Variants in VPS13B observed in about 807,000 individuals in gnomAD.
The protein encoded by VPS13B is intermembrane lipid transfer protein VPS13B.
A neutral mutation model predicts 426.4 loss-of-function variants in VPS13B; 285 were observed. That is an observed-to-expected ratio of 0.67 (90% CI 0.61 to 0.74). VPS13B has a LOEUF of 0.74. VPS13B is among the 30% of genes least tolerant of loss of function. The pLI, the probability that VPS13B is intolerant of heterozygous loss-of-function variation, is 0.00. For synonymous variants in VPS13B, 1,676 were observed against 1,676.4 expected (o/e 1.00, Z 0.01); for missense variants, 4,537 against 4,782.6 (o/e 0.95, Z 1.51).
chr8:99,854,210 G>A lies in VPS13B; in HGVS notation c.10821G>A (p.Val3607=), dbSNP rs1554581864. 2 of 1,614,060 alleles carry A rather than the reference G, an allele frequency of 1.2e-6. No individual in the cohort carries two copies. The highest frequency in any genetic ancestry group is 2.2e-5 in the South Asian group (2 of 91,072). ...GPIFTTARQL[V]HALAMHYAAG... is the part of the protein sequence containing the mutation. Reference sequence around the variant, plus strand: ...TCTTCACCACTGCGAGGCAGCTTGTGCACGCCCTGGCAATGCACTATGCCG... The same window carrying A: ...TCTTCACCACTGCGAGGCAGCTTGTACACGCCCTGGCAATGCACTATGCCG... The change falls in exon 56 of 62, where the codon GTG becomes GTA. Residue 3607 remains valine (V), a synonymous_variant. Coordinates refer to ENST00000357162, the MANE Select transcript of VPS13B (RefSeq NM_152564.5).
At chr8:99,715,689 A>G (rs1017824056) in intron 36 of VPS13B, among the ~76,000 whole-genome samples, 10 of 152,224 alleles carry the variant, frequency 6.6e-5, no homozygotes, top group Non-Finnish European at 1.5e-4. Context: ...GTACAAAGAT[A>G]TGTGTATTTG....
intron 19 of VPS13B, among the ~76,000 whole-genome samples, chr8:99,372,729 G>A (rs1429765522): frequency 6.6e-6 from 1 of 152,220 alleles, no homozygotes; most frequent in Non-Finnish European, 1.5e-5. Context: ...GTGTAAATTA[G>A]TTCAACCATC....
intron 8 of VPS13B, among the ~76,000 whole-genome samples, chr8:99,131,800 A>T (rs1171763882): frequency 1.3e-5 from 2 of 152,142 alleles, no homozygotes; most frequent in African/African-American, 2.4e-5. Flanking sequence ...AATTTCTCAA[A>T]ATAAGACAGC....
At chr8:99,301,370 C>T (rs939680000) in intron 19 of VPS13B, among the ~76,000 whole-genome samples, 15 of 150,996 alleles carry the variant, frequency 9.9e-5, no homozygotes, top group South Asian at 2.1e-4. Flanking sequence ...CTCGGCTCAC[C>T]GCAACCTCCA....
chr8:99,738,301 T>G (rs1266810606), intron 39 of VPS13B, among the ~76,000 whole-genome samples: 5 of 152,234 alleles, frequency 3.3e-5, no homozygotes, highest in Non-Finnish European at 5.9e-5. Context: ...TGTTTTTAAT[T>G]CTCCATGAGG....
chr8:99,115,834 C>A lies in VPS13B; in HGVS notation c.897C>A (p.Asp299Glu). 1.2e-6 allele frequency: 2 copies of A among 1,613,440 alleles called. No individual in the cohort carries two copies. Among genetic ancestry groups the A allele is most frequent in the Non-Finnish European group, 8.5e-7 (1 of 1,179,748 alleles). Residue 299 changes from aspartate (D) to glutamate (E), a missense_variant, in exon 7 of 62, where the codon GAC becomes GAA. Around this residue, in one of 2 missense-constraint regions of VPS13B, gnomAD observed 4,311 missense variants for 4,474.3 expected, o/e 0.96. Transcript: ENST00000357162. ...ATTTTAAAGAAGGCGAAATAGAGGA[C>A]CTTACTTGTCATAATAAAGATATGC... ...IGNFKEGEIE[D>E]LTCHNKDMLG...
intron 19 of VPS13B, among the ~76,000 whole-genome samples, chr8:99,300,739 A>G (rs1203517535): frequency 6.6e-6 from 1 of 152,164 alleles, no homozygotes; most frequent in Non-Finnish European, 1.5e-5. Flanking sequence ...GCTGGGTTTT[A>G]GCCTCAGCTA....
At chr8:99,641,419 C>T (rs1426543107) in intron 33 of VPS13B, among the ~76,000 whole-genome samples, 6 of 152,072 alleles carry the variant, frequency 3.9e-5, no homozygotes, top group African/African-American at 1.2e-4. Context: ...TAATTTCAAC[C>T]ACCAGTAATC....
chr8:99,381,372 G>C (rs1034252606), intron 19 of VPS13B, among the ~76,000 whole-genome samples: 2 of 152,126 alleles, frequency 1.3e-5, no homozygotes, highest in African/African-American at 4.8e-5. Context: ...ACATACGTTT[G>C]CATGTGTCTT....
intron 27 of VPS13B, among the ~76,000 whole-genome samples, chr8:99,504,439 GAC>G (rs1396858507): frequency 2.0e-5 from 3 of 152,212 alleles, no homozygotes; most frequent in Non-Finnish European, 4.4e-5. Flanking sequence ...AGTCTTGAAA[GAC>G]AGAATTACTG....
intron 3 of VPS13B, among the ~76,000 whole-genome samples, chr8:99,055,779 C>T (rs992815718): frequency 6.6e-6 from 1 of 151,996 alleles, no homozygotes; most frequent in African/African-American, 2.4e-5. Flanking sequence ...ACCCAAGCTG[C>T]AGTGCAGTGA....
At chr8:99,035,842 A>G (rs1842717810) in intron 2 of VPS13B, among the ~76,000 whole-genome samples, 1 of 152,058 alleles carries the variant, frequency 6.6e-6, no homozygotes, top group Non-Finnish European at 1.5e-5. Context: ...GATAATGGCC[A>G]TTGTTATGGC....
intron 34 of VPS13B, among the ~76,000 whole-genome samples, chr8:99,645,589 G>A (rs1829549323): frequency 6.6e-6 from 1 of 152,124 alleles, no homozygotes; most frequent in South Asian, 2.1e-4. Flanking sequence ...TCTGTAATTT[G>A]GAATTCTGTA....
intron 21 of VPS13B, among the ~76,000 whole-genome samples, chr8:99,416,554 C>T (rs1453030303): frequency 6.6e-6 from 1 of 152,154 alleles, no homozygotes; most frequent in Non-Finnish European, 1.5e-5. Context: ...GGCATAGGCC[C>T]CTGAGGGAAT....
At chr8:99,593,723 A>G (rs1826821031) in intron 33 of VPS13B, among the ~76,000 whole-genome samples, 1 of 152,180 alleles carries the variant, frequency 6.6e-6, no homozygotes, top group African/African-American at 2.4e-5. Context: ...AATAGTGTGC[A>G]GCCATAAAAA....
At chr8:99,851,977 A>G (rs2130912620) in intron 55 of VPS13B, among the ~76,000 whole-genome samples, 1 of 152,258 alleles carries the variant, frequency 6.6e-6, no homozygotes, top group South Asian at 2.1e-4. Context: ...CTCACATTAG[A>G]GACACTGATG....
intron 25 of VPS13B, among the ~76,000 whole-genome samples, chr8:99,492,414 G>T (rs1330965696): frequency 1.3e-5 from 2 of 152,218 alleles, no homozygotes; most frequent in African/African-American, 4.8e-5. Context: ...GTCAGACAGG[G>T]ACGTTTAAGC....
At chr8:99,465,291 G>A (rs1819055538) in intron 23 of VPS13B, among the ~76,000 whole-genome samples, 1 of 152,042 alleles carries the variant, frequency 6.6e-6, no homozygotes, top group Non-Finnish European at 1.5e-5. Context: ...CTCACAGTGG[G>A]AAATTGTGGA....
At chr8:99,476,200 C>T (rs1251730170) in intron 24 of VPS13B, among the ~76,000 whole-genome samples, 21 of 152,132 alleles carry the variant, frequency 1.4e-4, no homozygotes, top group Admixed American at 1.4e-3. Context: ...AGATGTGAAA[C>T]CACAAAATAA....
Sources: allele counts gnomAD v4.1 joint callset (sites outside exome capture counted in the v4.1 genomes callset), GRCh38; gene constraint gnomAD v4.1.1; regional missense constraint gnomAD v4.1.1; transcripts MANE v1.5; gene names NCBI Gene and HGNC (gene_info 2026-07-23, HGNC 2026-07-21).